The following CUL2 variants were observed in gnomAD, a reference collection of about 807,000 sequenced individuals.
CUL2 encodes cullin-2.
CUL2 carries 22 observed loss-of-function variants against 110.2 expected under a neutral mutation model. The ratio of observed to expected loss-of-function variants is 0.20; its 90% CI spans 0.14 to 0.28. The LOEUF (loss-of-function observed/expected upper bound fraction) is 0.28, where lower values mean the gene tolerates loss of function less well. CUL2 is among the 10% of genes least tolerant of loss of function. The probability of loss-of-function intolerance (pLI) is 1.00; values close to 1 mark genes in which losing one functional copy is unlikely to be tolerated. For missense variants in CUL2, 631 were observed against 905.5 expected (o/e 0.70, Z 3.89); for synonymous variants, 279 against 293.2 (o/e 0.95, Z 0.49).
intron 1 of CUL2, chr10:35,074,226 T>C (rs2086757998): frequency 2.0e-6 from 3 of 1,535,086 alleles, no homozygotes; most frequent in Non-Finnish European, 2.6e-6. Flanking sequence ...ACTCTGTACA[T>C]AAAGTACAAA....
At chr10:35,066,672 T>TA (rs776401434) in intron 2 of CUL2, among the ~76,000 whole-genome samples, 8 of 152,182 alleles carry the variant, frequency 5.3e-5, no homozygotes, top group Non-Finnish European at 8.8e-5. Context: ...CAAACAAGGA[T>TA]AAAAAATGAC....
chr10:35,098,200 A>T lies in CUL2; in HGVS notation c.167+2644T>A, dbSNP rs140526934. On this transcript the variant is annotated intron_variant, in intron 2 of 5. Transcript: ENST00000685421. ...CAGTGGATCCTTTATATTTCTTTGC[A>T]GTCACTTTTAGACAGGTAATTTAAT... The T allele has an allele frequency of 1.6e-4, 25 of 152,284 alleles. No individual in the cohort carries two copies. The East Asian group carries it at 4.8e-3, about 29-fold the overall frequency. 9.4% of individuals were successfully genotyped at this position (152,284 alleles called of 1,614,324 possible). A position where few individuals can be genotyped will look rare whatever the true frequency, so the allele number is the denominator to read the frequency against.
intron 4 of CUL2, among the ~76,000 whole-genome samples, chr10:35,059,171 C>G (rs1312301967): frequency 6.6e-6 from 1 of 152,162 alleles, no homozygotes; most frequent in Non-Finnish European, 1.5e-5. Flanking sequence ...TTACATAAGC[C>G]TAGCTGATAA....
At chr10:35,082,073 G>C (rs2135044540) in intron 1 of CUL2, among the ~76,000 whole-genome samples, 1 of 151,862 alleles carries the variant, frequency 6.6e-6, no homozygotes, top group South Asian at 2.1e-4. Context: ...AACGTGGGAG[G>C]ATCACTTGAG....
At chr10:35,104,402 C>T (rs895548604) in intron 1 of CUL2, among the ~76,000 whole-genome samples, 5 of 152,256 alleles carry the variant, frequency 3.3e-5, no homozygotes, top group South Asian at 4.1e-4. Flanking sequence ...ACCAAGATCT[C>T]GCCATTGCAC....
chr10:35,017,722 A>G (rs992624672), intron 17 of CUL2, among the ~76,000 whole-genome samples: 54 of 151,798 alleles, frequency 3.6e-4, no homozygotes, highest in Non-Finnish European at 6.6e-4. Flanking sequence ...TATATGCTAA[A>G]TGACCCTGGG....
Position 35,020,963 on chromosome 10 carries a change from GTTTTT to G in CUL2, c.1684+4164_1684+4168del, listed in dbSNP as rs61100854. On this transcript the variant is annotated intron_variant, in intron 17 of 20. Transcript: ENST00000374749. ...CCTATTCATTCTTTTTATTTTATGG[GTTTTT>G]TTTTTTTTTTTTCAAGACAGGGTCT... 6.5e-5 allele frequency among the ~76,000 whole-genome samples: 8 copies of G among 122,518 alleles called. No individual in the cohort carries two copies. The East Asian group carries it at 1.9e-3, about 28-fold the overall frequency. The allele number at this position is 122,518 out of a possible 152,430, so 80.4% of individuals were successfully genotyped here.
In CUL2 at chr10:35,049,660, G is replaced by C. The variant is rs780349401; in HGVS notation, c.506+23C>G. On this transcript the variant is annotated intron_variant, in intron 6 of 20. Transcript: ENST00000374749. ...CAAACAACAAAATAAAATTGACTCA[G>C]TAAGATAAATGTCAGCACTCACTTT... 8 of 1,584,060 alleles carry C rather than the reference G, an allele frequency of 5.1e-6. No individual in the cohort carries two copies. The Admixed American group carries it at 8.4e-5, about 17-fold the overall frequency.
At chr10:35,082,352 C>A (rs1020376224) in intron 1 of CUL2, among the ~76,000 whole-genome samples, 2 of 152,102 alleles carry the variant, frequency 1.3e-5, no homozygotes, top group Non-Finnish European at 1.5e-5. Flanking sequence ...TGGGCAAATT[C>A]ATAAAGACAG....
At chr10:35,022,016 T>C (rs2085214230) in intron 17 of CUL2, among the ~76,000 whole-genome samples, 1 of 152,148 alleles carries the variant, frequency 6.6e-6, no homozygotes, top group Non-Finnish European at 1.5e-5. Flanking sequence ...CCACCACCAT[T>C]CTGTGATATG....
chr10:35,049,660 G>A lies in CUL2; in HGVS notation c.506+23C>T, dbSNP rs780349401. ...CAAACAACAAAATAAAATTGACTCA[G>A]TAAGATAAATGTCAGCACTCACTTT... is the stretch of plus-strand genomic sequence containing the variant. On this transcript the variant is annotated intron_variant, in intron 6 of 20. Coordinates refer to ENST00000374749, the MANE Select transcript of CUL2 (RefSeq NM_003591.4). 4 of 1,584,060 alleles carry A rather than the reference G, an allele frequency of 2.5e-6. No individual in the cohort carries two copies. In the African/African-American group the frequency reaches 4.0e-5, roughly 16 times the overall value.
intron 8 of CUL2, among the ~76,000 whole-genome samples, chr10:35,040,802 C>A (rs558912079): frequency 1.3e-5 from 2 of 152,188 alleles, no homozygotes; most frequent in Admixed American, 6.5e-5. Context: ...GCATTAGATT[C>A]TTCTAAAGAG....
chr10:35,014,575 G>A (rs1049654224), intron 18 of CUL2, among the ~76,000 whole-genome samples: 2 of 152,090 alleles, frequency 1.3e-5, no homozygotes, highest in African/African-American at 2.4e-5. Flanking sequence ...GCTCACGTCT[G>A]TAATCCCACC....
At chr10:35,051,612 A>AAAC (rs561771748) in intron 5 of CUL2, among the ~76,000 whole-genome samples, 24 of 152,228 alleles carry the variant, frequency 1.6e-4, no homozygotes, top group Middle Eastern at 3.4e-3. Context: ...CTCCGTCTCA[A>AAAC]AACAACAACA....
chr10:35,102,907 G>GAAA (rs1441210696), intron 1 of CUL2, among the ~76,000 whole-genome samples: 3 of 151,320 alleles, frequency 2.0e-5, no homozygotes, highest in Non-Finnish European at 4.4e-5. Flanking sequence ...AAAATTTTAA[G>GAAA]AAGAAACAAC....
intron 1 of CUL2, among the ~76,000 whole-genome samples, chr10:35,104,692 TA>T (rs1274264316): frequency 3.3e-5 from 5 of 152,078 alleles, no homozygotes; most frequent in African/African-American, 1.2e-4. Context: ...ATCCAATATA[TA>T]TTTTTTTAAC....
intron 4 of CUL2, among the ~76,000 whole-genome samples, chr10:35,056,359 C>T (rs894653807): frequency 6.6e-6 from 1 of 152,208 alleles, no homozygotes; most frequent in Non-Finnish European, 1.5e-5. Context: ...TAATCACTAA[C>T]ATTTATTGAG....
chr10:35,108,479 A>T (rs538083587), intron 1 of CUL2, among the ~76,000 whole-genome samples: 1 of 152,014 alleles, frequency 6.6e-6, no homozygotes, highest in African/African-American at 2.4e-5. Context: ...GAAAAAAAGA[A>T]AAAAAACACA....
At chr10:35,095,563 G>T (rs529177671), upstream of CUL2, among the ~76,000 whole-genome samples, 1 of 151,870 alleles carries the variant, frequency 6.6e-6, no homozygotes, top group East Asian at 1.9e-4. Flanking sequence ...GTGTGTGTGT[G>T]TATATATATT....
Sources: gnomAD v4.1 joint callset for allele counts (sites outside exome capture counted in the v4.1 genomes callset) on GRCh38, gnomAD v4.1.1 for gene constraint, MANE v1.5 for transcripts, NCBI Gene and HGNC (gene_info 2026-07-23, HGNC 2026-07-21) for gene names.